The following SRPK1 variants were observed in gnomAD, a reference collection of about 807,000 sequenced individuals.
SRPK1 encodes SFRS protein kinase 1.
A neutral mutation model predicts 89.5 loss-of-function variants in SRPK1; 52 were observed. The observed-to-expected ratio is 0.58, with a 90% CI of 0.46 to 0.73. The LOEUF is 0.73. SRPK1 is among the 30% of genes least tolerant of loss of function. The pLI is 0.00. For synonymous variants in SRPK1, 255 were observed against 270.2 expected, an observed-to-expected ratio of 0.94 and a Z score of 0.55; for missense variants, 603 against 780.6, an observed-to-expected ratio of 0.77 and a Z score of 2.71.
At position 35,880,746 on chromosome 6, in the gene SRPK1, A is replaced by AGAAAG. The variant is rs765099755; in HGVS notation, c.478+5977_478+5978insCTTTC. On this transcript the variant is annotated intron_variant, in intron 6 of 15. Coordinates refer to ENST00000373825, the MANE Select transcript of SRPK1 (RefSeq NM_003137.5). ...AAAAAAAAAAAAAAGAAAAAAAAAA[A>AGAAAG]AAAAGAAAAGAAAAGAAGAAGAAAT... Among the ~76,000 whole-genome samples the AGAAAG allele has an allele frequency of 7.8e-5, 7 of 89,228 alleles. 1 individual carries two copies. The highest frequency in any genetic ancestry group is 4.7e-4 in the South Asian group (1 of 2,134). The allele number at this position is 89,228 out of a possible 152,430, so 58.5% of individuals were successfully genotyped here.
chr6:35,919,906 T>G (rs1332360143), intron 2 of SRPK1, among the ~76,000 whole-genome samples: 3 of 152,222 alleles, frequency 2.0e-5, no homozygotes, highest in African/African-American at 7.2e-5. Context: ...CACAGCGGTC[T>G]GCCGGCACAC....
intron 2 of SRPK1, among the ~76,000 whole-genome samples, chr6:35,918,686 A>T (rs1460927044): frequency 6.6e-6 from 1 of 152,232 alleles, no homozygotes; most frequent in Non-Finnish European, 1.5e-5. Context: ...TGACTGCTAG[A>T]TTATCTATAA....
intron 12 of SRPK1, among the ~76,000 whole-genome samples, chr6:35,857,792 T>G (rs1769697032): frequency 6.6e-6 from 1 of 152,170 alleles, no homozygotes; most frequent in African/African-American, 2.4e-5. Flanking sequence ...ACCTTGCAAT[T>G]TACTATACTT....
chr6:35,916,874 T>C (rs371959691), intron 2 of SRPK1, among the ~76,000 whole-genome samples: 309 of 152,258 alleles, frequency 2.0e-3, no homozygotes, highest in African/African-American at 7.2e-3. Context: ...CTGGCCAACA[T>C]GGTGAAACCC....
intron 13 of SRPK1, among the ~76,000 whole-genome samples, chr6:35,849,871 T>C (rs76169595): frequency 0.032 from 4,943 of 152,298 alleles, 254 homozygotes; most frequent in African/African-American, 0.1. Context: ...GGAATACTAT[T>C]CAGCCTTAAA....
In SRPK1 at chr6:35,890,957, T is replaced by G. The variant is rs1305929196; in HGVS notation, c.131A>C (p.Gln44Pro). ...ATCAGATCCCAGAATCTCCTCTTCC[T>G]GCTCTGGTAGATCACTCTCAGAGTG... ...APHSESDLPE[Q>P]EEEILGSDDD... The change falls in exon 3 of 16, where the codon CAG becomes CCG. Residue 44 changes from glutamine to proline, a missense_variant. Transcript: ENST00000373825. The G allele has an allele frequency of 6.4e-7, 1 of 1,554,420 alleles. No individual in the cohort carries two copies. Among genetic ancestry groups the G allele is most frequent in the Non-Finnish European group, 8.7e-7 (1 of 1,147,846 alleles).
intron 2 of SRPK1, among the ~76,000 whole-genome samples, chr6:35,902,823 A>G (rs1770772424): frequency 6.6e-6 from 1 of 152,230 alleles, no homozygotes; most frequent in South Asian, 2.1e-4. Context: ...AAAATGCAAA[A>G]TACAATTCCT....
rs115753341 is a variant in SRPK1 at position 35,847,132 on chromosome 6, T to C, written c.1621-4528A>G. Among the ~76,000 whole-genome samples the C allele has an allele frequency of 5.0e-3, 768 of 152,366 alleles. 3 individuals are homozygous for C. Among genetic ancestry groups the C allele is most frequent in the Non-Finnish European group, 8.3e-3 (562 of 68,042 alleles). On this transcript the variant is annotated intron_variant, in intron 13 of 15. Transcript: ENST00000373825. ...TTCTATTCAACATAGTATTGTAGTA[T>C]TGGCAGTCCTTACTAGAGCAATTAA...
chr6:35,885,730 G>T (rs182508277), intron 6 of SRPK1, among the ~76,000 whole-genome samples: 8 of 152,052 alleles, frequency 5.3e-5, no homozygotes, highest in Non-Finnish European at 7.4e-5. Context: ...AGTAAGATTC[G>T]ACTTCATCTT....
At chr6:35,835,834 A>G (rs1043040559) in intron 15 of SRPK1, among the ~76,000 whole-genome samples, 10 of 152,202 alleles carry the variant, frequency 6.6e-5, no homozygotes, top group African/African-American at 2.2e-4. Flanking sequence ...TGGTGTGCAG[A>G]GACACTCTAG....
chr6:35,875,863 G>A (rs549374716), intron 6 of SRPK1, among the ~76,000 whole-genome samples: 36 of 152,198 alleles, frequency 2.4e-4, no homozygotes, highest in African/African-American at 8.7e-4. Context: ...GGAAGGCACT[G>A]CCTTAACCAA....
rs1769156680 is a variant in SRPK1 at position 35,835,395 on chromosome 6, A to T, written c.1877T>A (p.Phe626Tyr). ...CAACATGGGCAGTAAGAAATCTGTG[A>T]AGCCAGCTGCCTCTTCCTGCGACCA... Reference protein sequence around the residue: ...YEWSQEEAAGFTDFLLPMLEL... With the variant: ...YEWSQEEAAGYTDFLLPMLEL... The change falls in exon 16 of 16, where the codon TTC becomes TAC. Residue 626 changes from phenylalanine to tyrosine, a missense_variant. By Grantham distance (22) the Phe-to-Tyr change is conservative. Transcript: ENST00000373825. 1.2e-6 allele frequency: 2 copies of T among 1,613,832 alleles called. No homozygotes were observed. The highest frequency in any genetic ancestry group is 1.7e-6 in the Non-Finnish European group (2 of 1,179,836).
intron 6 of SRPK1, among the ~76,000 whole-genome samples, chr6:35,875,079 T>A (rs973856590): frequency 6.6e-6 from 1 of 152,154 alleles, no homozygotes; most frequent in African/African-American, 2.4e-5. Flanking sequence ...GTGCTCAGAC[T>A]TTAACATTCT....
In SRPK1 at chr6:35,842,546, G is replaced by A. The variant is rs1769333810; in HGVS notation, c.1679C>T (p.Thr560Ile). ...TTAAGGGGACTCACCTTCATCTCGAGTGTACTCTTCCCCTGAATGAGGTTC... is the reference window on the plus strand; with the variant it reads ...TTAAGGGGACTCACCTTCATCTCGAATGTACTCTTCCCCTGAATGAGGTTC... Reference protein sequence around the residue: ...LFEPHSGEEYTRDEDHIALII... With the variant: ...LFEPHSGEEYIRDEDHIALII... The change falls in exon 14 of 16, where the codon ACT becomes ATT. Residue 560 changes from threonine to isoleucine, a missense_variant. Thr to Ile is a moderately conservative substitution (Grantham distance 89, BLOSUM62 -1). Coordinates refer to ENST00000373825, the MANE Select transcript of SRPK1 (RefSeq NM_003137.5). The A allele has an allele frequency of 6.2e-7, 1 of 1,611,756 alleles. No homozygotes were observed. The highest frequency in any genetic ancestry group is 1.1e-5 in the South Asian group (1 of 90,570).
chr6:35,909,094 T>C (rs1433708487), intron 2 of SRPK1, among the ~76,000 whole-genome samples: 1 of 152,184 alleles, frequency 6.6e-6, no homozygotes, highest in Non-Finnish European at 1.5e-5. Context: ...CTAGTGGAGC[T>C]GTGAGGAGTG....
At chr6:35,855,685 G>A (rs899573413) in intron 13 of SRPK1, among the ~76,000 whole-genome samples, 2 of 152,088 alleles carry the variant, frequency 1.3e-5, no homozygotes, top group African/African-American at 4.8e-5. Context: ...TCCATGGTGG[G>A]TCCCTTGGAC....
At chr6:35,871,831 TC>T (rs1412959752) in intron 8 of SRPK1, among the ~76,000 whole-genome samples, 7 of 152,142 alleles carry the variant, frequency 4.6e-5, no homozygotes, top group Admixed American at 4.6e-4. Flanking sequence ...AGCCTTGACT[TC>T]CTAGGCTCAA....
At chr6:35,890,103 C>T (rs868528827) in intron 3 of SRPK1, among the ~76,000 whole-genome samples, 1 of 151,774 alleles carries the variant, frequency 6.6e-6, no homozygotes, top group African/African-American at 2.4e-5. Flanking sequence ...AGCGAGACTC[C>T]GCCTCAAAAA....
intron 2 of SRPK1, among the ~76,000 whole-genome samples, chr6:35,893,127 A>G (rs1770555156): frequency 6.6e-6 from 1 of 152,216 alleles, no homozygotes; most frequent in Admixed American, 6.5e-5. Context: ...GAAGAACAAC[A>G]TTCTCCAATT....
Sources: gnomAD v4.1 joint callset for allele counts (sites outside exome capture counted in the v4.1 genomes callset) on GRCh38, gnomAD v4.1.1 for gene constraint, MANE v1.5 for transcripts, NCBI Gene and HGNC (gene_info 2026-07-23, HGNC 2026-07-21) for gene names.